Variants in CPED1 observed in about 807,000 individuals in gnomAD.
CPED1 encodes the protein cadherin like and PC-esterase domain containing 1.
CPED1 carries 114 observed loss-of-function variants against 128.2 expected under a neutral mutation model. That is an observed-to-expected ratio of 0.89 (90% CI 0.76 to 1.04). The LOEUF (loss-of-function observed/expected upper bound fraction) is 1.04. CPED1 is among the 50% of genes least tolerant of loss of function. CPED1 has a pLI of 0.00. For synonymous variants in CPED1, 462 were observed against 426.7 expected (o/e 1.08, Z -1.02); for missense variants, 1,211 against 1,207.1 (o/e 1.00, Z -0.05).
rs767659268 is a variant in CPED1, at chr7:121,244,221, C to T, written c.2193C>T (p.Cys731=). The T allele has an allele frequency of 9.9e-6, 16 of 1,613,996 alleles. No homozygotes were observed. Among genetic ancestry groups the T allele is most frequent in the Non-Finnish European group, 1.1e-5 (13 of 1,180,012 alleles). Residue 731 remains cysteine (C), a synonymous_variant, in exon 18 of 23, where the codon TGC becomes TGT. Coordinates refer to ENST00000310396, the MANE Select transcript of CPED1 (RefSeq NM_024913.5). Reference sequence around the variant, plus strand: ...TTCCAGGCCAGTGGATTGTGCCTTGCCTTAGTTGTTCGGACAACAGGACGT... The same window carrying T: ...TTCCAGGCCAGTGGATTGTGCCTTGTCTTAGTTGTTCGGACAACAGGACGT... ...GDMKGQWIVP[C]LSCSDNRTCD... is the part of the protein sequence containing the mutation.
rs554115250 is a variant in CPED1, at chr7:120,999,271, C to T, written c.249+9401C>T. On this transcript the variant is annotated intron_variant, in intron 2 of 22. Coordinates refer to ENST00000310396, the MANE Select transcript of CPED1 (RefSeq NM_024913.5). ...TCTTGGACTTCTGGCTAATGGTAATCATCATGCCACTTCTACATTAAAGTT... is the reference window on the plus strand; with the variant it reads ...TCTTGGACTTCTGGCTAATGGTAATTATCATGCCACTTCTACATTAAAGTT... 4.6e-5 allele frequency among the ~76,000 whole-genome samples: 7 copies of T among 152,268 alleles called. No homozygotes were observed. The South Asian group carries it at 1.5e-3, about 32-fold the overall frequency.
chr7:121,263,128 C>G (rs1792053206), intron 18 of CPED1, among the ~76,000 whole-genome samples: 1 of 152,008 alleles, frequency 6.6e-6, no homozygotes, highest in African/African-American at 2.4e-5. Flanking sequence ...GTGATGCTTC[C>G]TTCTCCCATT....
intron 12 of CPED1, among the ~76,000 whole-genome samples, chr7:121,133,262 G>A (rs1563039414): frequency 6.6e-6 from 1 of 152,016 alleles, no homozygotes; most frequent in Admixed American, 6.6e-5. Context: ...AGGATTTAAA[G>A]GGCAATCTGG....
At chr7:121,015,925 C>T (rs1228425049) in intron 3 of CPED1, 77 bp downstream of exon 3, 3 of 1,067,172 alleles carry the variant, frequency 2.8e-6, no homozygotes, top group African/African-American at 1.6e-5. Context: ...GCTACTATCT[C>T]CCTCTAAAAA....
At position 121,297,093 on chromosome 7, in the gene CPED1, CA is replaced by C; in HGVS notation, c.*1443del. The C allele has an allele frequency of 6.6e-6, 1 of 151,928 alleles. No homozygotes were observed. The highest frequency in any genetic ancestry group is 6.6e-5 in the Admixed American group (1 of 15,266). The allele number at this position is 151,928 out of a possible 1,614,324, so 9.4% of individuals were successfully genotyped here. ...AAATGCAAATATCACTTGATATAAACAATACAAATCTGCATCTTACAGATGA... is the reference window on the plus strand; with the variant it reads ...AAATGCAAATATCACTTGATATAAACATACAAATCTGCATCTTACAGATGA... On this transcript the variant is annotated 3_prime_UTR_variant, in exon 23 of 23. Coordinates refer to ENST00000310396, the MANE Select transcript of CPED1 (RefSeq NM_024913.5).
chr7:121,143,454 C>T (rs1418555751), intron 16 of CPED1, among the ~76,000 whole-genome samples: 1 of 151,868 alleles, frequency 6.6e-6, no homozygotes, highest in Non-Finnish European at 1.5e-5. Context: ...TTTGAGGAAA[C>T]ACTGGTCTAC....
chr7:121,081,600 T>C (rs1254618908), intron 5 of CPED1, among the ~76,000 whole-genome samples: 3 of 152,158 alleles, frequency 2.0e-5, no homozygotes, highest in Non-Finnish European at 4.4e-5. Flanking sequence ...GCAATCCCAG[T>C]GTTGATACTC....
chr7:121,062,698 C>A (rs1793705483), intron 4 of CPED1: 1 of 152,116 alleles, frequency 6.6e-6, no homozygotes, highest in Non-Finnish European at 1.5e-5. Flanking sequence ...GTGTCCCCAC[C>A]CAAATCTCAT....
At chr7:121,272,440 G>A (rs989821756) in intron 22 of CPED1, among the ~76,000 whole-genome samples, 1 of 151,864 alleles carries the variant, frequency 6.6e-6, no homozygotes, top group Non-Finnish European at 1.5e-5. Flanking sequence ...CCCACCAGTG[G>A]AACTTTATGG....
intron 16 of CPED1, among the ~76,000 whole-genome samples, chr7:121,178,533 G>A (rs532788120): frequency 3.9e-5 from 6 of 152,100 alleles, no homozygotes; most frequent in African/African-American, 1.4e-4. Context: ...AATCTTAAAC[G>A]TGGACAAAAA....
At chr7:121,021,149 T>G (rs1161588061) in intron 3 of CPED1, among the ~76,000 whole-genome samples, 1 of 151,906 alleles carries the variant, frequency 6.6e-6, no homozygotes, top group South Asian at 2.1e-4. Flanking sequence ...CAACTCCTAA[T>G]AAGGACACTC....
chr7:121,026,216 T>A (rs1481961282), intron 3 of CPED1, among the ~76,000 whole-genome samples: 137 of 152,196 alleles, frequency 9.0e-4, no homozygotes, highest in Non-Finnish European at 7.3e-5. Flanking sequence ...AACAGAGGAC[T>A]TGCTTACTTA....
chr7:121,033,981 A>G (rs1792808821), intron 3 of CPED1, among the ~76,000 whole-genome samples: 1 of 152,188 alleles, frequency 6.6e-6, no homozygotes, highest in Non-Finnish European at 1.5e-5. Flanking sequence ...GGTTTTGTTC[A>G]TTGCATTTCA....
At chr7:121,023,992 T>A (rs1473506057) in intron 3 of CPED1, among the ~76,000 whole-genome samples, 1 of 152,150 alleles carries the variant, frequency 6.6e-6, no homozygotes, top group African/African-American at 2.4e-5. Context: ...TTCTGTACTT[T>A]ATTTAGTTAA....
chr7:121,124,388 A>G lies in CPED1; in HGVS notation c.976A>G (p.Ile326Val), dbSNP rs1444653252. 6.2e-7 allele frequency: 1 copy of G among 1,609,392 alleles called. No individual in the cohort carries two copies. The highest frequency in any genetic ancestry group is 1.7e-5 in the Admixed American group (1 of 59,724). The change falls in exon 8 of 23, where the codon ATT becomes GTT. Residue 326 changes from isoleucine (I) to valine (V), a missense_variant. Physicochemically the swap from Ile to Val is conservative, Grantham distance 29. Transcript: ENST00000310396. ...CAGTTCACCTCAACAGGCTTTTGAC[A>G]TTATGAAGGAAGCAATTGGCAAACT... Reference protein sequence around the residue: ...RASSPQQAFDIMKEAIGKLLL... With the variant: ...RASSPQQAFDVMKEAIGKLLL...
chr7:121,061,855 C>T (rs144784914), intron 4 of CPED1, among the ~76,000 whole-genome samples: 193 of 152,296 alleles, frequency 1.3e-3, no homozygotes, highest in Middle Eastern at 6.8e-3. Flanking sequence ...TGAGTTACTA[C>T]AGCTGTATGA....
At chr7:121,177,184 G>A (rs1436280792) in intron 16 of CPED1, among the ~76,000 whole-genome samples, 1 of 152,016 alleles carries the variant, frequency 6.6e-6, no homozygotes, top group Non-Finnish European at 1.5e-5. Flanking sequence ...CTAGTAGTGT[G>A]CTTTCCTTGT....
chr7:121,228,995 G>A lies in CPED1; in HGVS notation c.2056-7719G>A, dbSNP rs570814820. On this transcript the variant is annotated intron_variant, in intron 16 of 22. Transcript: ENST00000310396. The stretch of plus-strand genomic sequence containing the variant: ...TCTGGAAAGAATGAGTGGGGGTAAG[G>A]AGGGAGGATGAAGACAAGTGGGTTA... Among the ~76,000 whole-genome samples the A allele has an allele frequency of 3.3e-5, 5 of 152,052 alleles. No individual in the cohort carries two copies. The East Asian group carries it at 9.7e-4, about 30-fold the overall frequency.
intron 7 of CPED1, among the ~76,000 whole-genome samples, chr7:121,106,826 C>G (rs1205764739): frequency 6.6e-6 from 1 of 152,092 alleles, no homozygotes; most frequent in Non-Finnish European, 1.5e-5. Context: ...TCTCTGCGGG[C>G]TCTTCCTCTT....
Sources: gnomAD v4.1 joint callset for allele counts (sites outside exome capture counted in the v4.1 genomes callset) on GRCh38, gnomAD v4.1.1 for gene constraint, MANE v1.5 for transcripts, NCBI Gene and HGNC (gene_info 2026-07-23, HGNC 2026-07-21) for gene names.